The following MDGA2 variants were observed in gnomAD, a reference collection of about 807,000 sequenced individuals.
MDGA2 encodes MAM domain containing glycosylphosphatidylinositol anchor 2.
A neutral mutation model predicts 117.8 loss-of-function variants in MDGA2; 40 were observed. The observed-to-expected ratio is 0.34, with a 90% confidence interval of 0.26 to 0.44. MDGA2 has a LOEUF of 0.44. Among genes scored for constraint, MDGA2 ranks in the 20% least tolerant of loss-of-function variants. The pLI is 1.00. For missense variants in MDGA2, 1,123 were observed against 1,250.6 expected (o/e 0.90, Z 1.54); for synonymous variants, 452 against 439.0 (o/e 1.03, Z -0.37).
intron 2 of MDGA2, among the ~76,000 whole-genome samples, chr14:47,248,770 G>C: frequency 6.6e-6 from 1 of 151,928 alleles, no homozygotes; most frequent in East Asian, 1.9e-4. Flanking sequence ...GTTTATCAAA[G>C]TAATTTTAAA....
At chr14:47,619,636 A>G (rs58496620) in intron 1 of MDGA2, among the ~76,000 whole-genome samples, 4,140 of 152,288 alleles carry the variant, frequency 0.027, 113 homozygotes, top group African/African-American at 0.071. Context: ...AGCACGTAGC[A>G]CAACTCACAG....
chr14:46,933,923 C>G (rs577609729), intron 9 of MDGA2, among the ~76,000 whole-genome samples: 10 of 144,210 alleles, frequency 6.9e-5, no homozygotes, highest in African/African-American at 2.5e-4. Flanking sequence ...AAATGAATAA[C>G]TCCTTGACTC....
chr14:47,097,247 C>A, intron 5 of MDGA2, 124 bp from the exon 6 acceptor site: 1 of 960,022 alleles, frequency 1.0e-6, no homozygotes, highest in Non-Finnish European at 1.6e-6. Flanking sequence ...TTGCCAAAAT[C>A]ATACTGTATT....
chr14:47,621,316 T>G (rs1897045780), intron 1 of MDGA2, among the ~76,000 whole-genome samples: 1 of 152,150 alleles, frequency 6.6e-6, no homozygotes, highest in South Asian at 2.1e-4. Context: ...GCATGGGAGA[T>G]TCTGCCCAAC....
Position 47,055,961 on chromosome 14 carries a change from G to T in MDGA2, c.1525+5288C>A, listed in dbSNP as rs554838249. Among the ~76,000 whole-genome samples, 23 of 152,216 alleles carry T rather than the reference G, an allele frequency of 1.5e-4. No individual in the cohort carries two copies. The South Asian group carries it at 3.1e-3, about 21-fold the overall frequency. ...CTTCACAATTTTGGATTCAAGGAAA[G>T]AAATTAATATTTCTCTGTTCAGTAC... On this transcript the variant is annotated intron_variant, in intron 7 of 16. Transcript: ENST00000399232.
intron 1 of MDGA2, among the ~76,000 whole-genome samples, chr14:47,479,499 G>C (rs1893908697): frequency 6.6e-6 from 1 of 151,566 alleles, no homozygotes; most frequent in African/African-American, 2.4e-5. Flanking sequence ...TTTCAAAGAA[G>C]GCTTAAATCA....
intron 1 of MDGA2, among the ~76,000 whole-genome samples, chr14:47,654,044 A>C (rs1232987808): frequency 6.6e-6 from 1 of 152,220 alleles, no homozygotes; most frequent in Non-Finnish European, 1.5e-5. Flanking sequence ...TTACAAAAAC[A>C]AAAGAAAACT....
At chr14:47,015,167 G>C (rs1009423153) in intron 8 of MDGA2, among the ~76,000 whole-genome samples, 5 of 152,036 alleles carry the variant, frequency 3.3e-5, no homozygotes, top group African/African-American at 9.7e-5. Context: ...TCTTTTATGG[G>C]TGTGGTTCAT....
At chr14:47,160,479 A>C (rs1342144388) in intron 3 of MDGA2, among the ~76,000 whole-genome samples, 13 of 152,172 alleles carry the variant, frequency 8.5e-5, no homozygotes. Flanking sequence ...CAGCCTAAGG[A>C]ACATAGCGAA....
intron 5 of MDGA2, among the ~76,000 whole-genome samples, chr14:47,109,244 G>A (rs1880904338): frequency 6.6e-6 from 1 of 152,202 alleles, no homozygotes; most frequent in African/African-American, 2.4e-5. Flanking sequence ...AATCAGCAGA[G>A]CATGAACTTT....
Position 47,131,865 on chromosome 14 carries a change from A to T in MDGA2, c.793-19T>A. ...TTTCACCCTGAAAATGTACACAAAA[A>T]ATAAAAGTCATTAGAAAAAGCCAAC... On this transcript the variant is annotated intron_variant, in intron 4 of 16. Transcript: ENST00000399232. The T allele has an allele frequency of 6.5e-7, 1 of 1,538,434 alleles. No homozygotes were observed. The highest frequency in any genetic ancestry group is 1.2e-5 in the South Asian group (1 of 83,008).
intron 8 of MDGA2, among the ~76,000 whole-genome samples, chr14:47,018,935 T>C (rs1289519829): frequency 6.6e-6 from 1 of 152,136 alleles, no homozygotes; most frequent in Non-Finnish European, 1.5e-5. Context: ...TGTGTTCACA[T>C]GGCACCTCTG....
intron 6 of MDGA2, among the ~76,000 whole-genome samples, chr14:47,064,216 A>G (rs1889996826): frequency 6.6e-6 from 1 of 152,012 alleles, no homozygotes; most frequent in Non-Finnish European, 1.5e-5. Flanking sequence ...AGCGAAAAAC[A>G]TTGGTGAATC....
intron 1 of MDGA2, among the ~76,000 whole-genome samples, chr14:47,618,282 T>C (rs1385304920): frequency 6.6e-6 from 1 of 152,234 alleles, no homozygotes; most frequent in East Asian, 1.9e-4. Context: ...GGTGCACTTT[T>C]TGCAGATGCA....
At chr14:47,541,941 A>T (rs1054039984) in intron 1 of MDGA2, among the ~76,000 whole-genome samples, 1 of 152,142 alleles carries the variant, frequency 6.6e-6, no homozygotes, top group Non-Finnish European at 1.5e-5. Flanking sequence ...TGGTGCTGTC[A>T]CTCATTTTAC....
chr14:47,111,438 G>GA (rs962433013), intron 5 of MDGA2, among the ~76,000 whole-genome samples: 1 of 152,034 alleles, frequency 6.6e-6, no homozygotes, highest in African/African-American at 2.4e-5. Flanking sequence ...AGTATATTAT[G>GA]AAAAAATTGG....
intron 1 of MDGA2, among the ~76,000 whole-genome samples, chr14:47,316,734 T>C (rs1265098547): frequency 1.3e-5 from 2 of 152,084 alleles, no homozygotes; most frequent in Non-Finnish European, 2.9e-5. Flanking sequence ...TTCCCTATTA[T>C]AATCTCAAAA....
chr14:47,071,574 G>C (rs764688913), intron 6 of MDGA2, among the ~76,000 whole-genome samples: 6 of 150,922 alleles, frequency 4.0e-5, no homozygotes, highest in Non-Finnish European at 7.4e-5. Context: ...TTTTTAATGA[G>C]AAAATTCTAT....
chr14:46,873,839 T>C (rs998046441), intron 13 of MDGA2: 2 of 570,864 alleles, frequency 3.5e-6, no homozygotes, highest in African/African-American at 3.9e-5. Context: ...AAAAAATTCC[T>C]ATTCTCTCTA....
Sources: allele counts gnomAD v4.1 joint callset (sites outside exome capture counted in the v4.1 genomes callset), GRCh38; gene constraint gnomAD v4.1.1; transcripts MANE v1.5; gene names NCBI Gene and HGNC (gene_info 2026-07-23, HGNC 2026-07-21).